The following NIPBL variants were observed in gnomAD, a reference collection of about 807,000 sequenced individuals.
NIPBL encodes nipped-B-like protein.
NIPBL carries 19 observed loss-of-function variants against 321.8 expected under a neutral mutation model. The ratio of observed to expected loss-of-function variants is 0.06; its 90% CI spans 0.04 to 0.09. The LOEUF (loss-of-function observed/expected upper bound fraction) is 0.09, where lower values mean the gene tolerates loss of function less well. NIPBL is among the 10% of genes least tolerant of loss of function. The pLI, the probability that NIPBL is intolerant of heterozygous loss-of-function variation, is 1.00. For synonymous variants in NIPBL, 1,106 were observed against 1,114.1 expected (o/e 0.99, Z 0.14); for missense variants, 2,210 against 3,327.0 (o/e 0.66, Z 8.26).
chr5:37,043,093 A>G (rs764597186), intron 34 of NIPBL, among the ~76,000 whole-genome samples: 5 of 152,014 alleles, frequency 3.3e-5, no homozygotes, highest in Non-Finnish European at 7.4e-5. Context: ...ACACATTTAA[A>G]TTTAAAATAA....
intron 1 of NIPBL, among the ~76,000 whole-genome samples, chr5:36,900,284 G>A (rs1018193772): frequency 1.3e-5 from 2 of 152,112 alleles, no homozygotes; most frequent in African/African-American, 4.8e-5. Context: ...GGTATTATAA[G>A]TATTCTATTA....
At chr5:36,972,430 CT>C (rs1331238569) in intron 8 of NIPBL, among the ~76,000 whole-genome samples, 1 of 152,050 alleles carries the variant, frequency 6.6e-6, no homozygotes, top group African/African-American at 2.4e-5. Flanking sequence ...TTCATTGATA[CT>C]TTTTTTCTTC....
intron 1 of NIPBL, among the ~76,000 whole-genome samples, chr5:36,943,032 T>A (rs184895536): frequency 3.3e-5 from 5 of 152,260 alleles, no homozygotes; most frequent in Admixed American, 1.3e-4. Context: ...ACTATATAGT[T>A]GTTATATTGT....
chr5:36,888,098 T>G (rs1033408215), intron 1 of NIPBL, among the ~76,000 whole-genome samples: 2 of 152,180 alleles, frequency 1.3e-5, no homozygotes, highest in Non-Finnish European at 2.9e-5. Context: ...TGAGAGGTCC[T>G]GAACATACAG....
chr5:36,961,956 G>C (rs1447338297), intron 5 of NIPBL, among the ~76,000 whole-genome samples, 167 bp from the exon 6 acceptor site: 1 of 152,116 alleles, frequency 6.6e-6, no homozygotes, highest in Non-Finnish European at 1.5e-5. Flanking sequence ...ATTATGAATT[G>C]TGAACAATTT....
chr5:37,007,302 C>T (rs774819814), intron 17 of NIPBL, 21 bp from the exon 18 acceptor site: 62 of 1,604,404 alleles, frequency 3.9e-5, no homozygotes, highest in Non-Finnish European at 5.2e-5. Context: ...TTTTCCTTAT[C>T]TTGAATTTGT....
rs1054000890 is a variant in NIPBL, at chr5:36,905,959, T to C, written c.-80+28781T>C. Reference sequence around the variant, plus strand: ...TGGGGTTTCACCGTGTTAGCCAGGATGGTCTCGATCTCCTGACCTCGTGAT... The same window carrying C: ...TGGGGTTTCACCGTGTTAGCCAGGACGGTCTCGATCTCCTGACCTCGTGAT... On this transcript the variant is annotated intron_variant, in intron 1 of 46. Coordinates refer to ENST00000282516, the MANE Select transcript of NIPBL (RefSeq NM_133433.4). 2.6e-5 allele frequency among the ~76,000 whole-genome samples: 4 copies of C among 152,132 alleles called. No individual in the cohort carries two copies. The South Asian group carries it at 6.2e-4, about 24-fold the overall frequency.
chr5:36,962,858 A>T (rs958369707), intron 6 of NIPBL, among the ~76,000 whole-genome samples: 1 of 152,176 alleles, frequency 6.6e-6, no homozygotes, highest in Non-Finnish European at 1.5e-5. Context: ...GCATAGGGCT[A>T]TATGCAAGTA....
intron 1 of NIPBL, among the ~76,000 whole-genome samples, chr5:36,879,320 T>C (rs72734612): frequency 0.017 from 2,657 of 152,312 alleles, 32 homozygotes; most frequent in Middle Eastern, 0.044. Flanking sequence ...GGAATTGTTA[T>C]AGTGAATTAG....
chr5:37,025,219 C>T (rs1750121813), intron 30 of NIPBL, among the ~76,000 whole-genome samples: 1 of 152,196 alleles, frequency 6.6e-6, no homozygotes, highest in African/African-American at 2.4e-5. Context: ...TGCCACTGCA[C>T]TCCTGCCTGG....
At chr5:36,971,888 G>C (rs1742883409) in intron 7 of NIPBL, 57 bp from the exon 8 acceptor site, 1 of 1,561,354 alleles carries the variant, frequency 6.4e-7, no homozygotes, top group Admixed American at 1.7e-5. Flanking sequence ...TCTCTTTTAA[G>C]ATTTCTATAA....
intron 1 of NIPBL, among the ~76,000 whole-genome samples, chr5:36,932,703 A>G (rs959748193): frequency 1.4e-5 from 2 of 144,890 alleles, no homozygotes; most frequent in African/African-American, 5.1e-5. Context: ...GGGTGAATTT[A>G]CTTATGCCAT....
At chr5:36,878,380 T>A (rs1439811079) in intron 1 of NIPBL, among the ~76,000 whole-genome samples, 2 of 152,204 alleles carry the variant, frequency 1.3e-5, no homozygotes, top group African/African-American at 4.8e-5. Context: ...AAGTTAAGTG[T>A]TTCGAGCTTG....
chr5:36,885,466 C>T (rs1260318987), intron 1 of NIPBL: 1 of 483,588 alleles, frequency 2.1e-6, no homozygotes, highest in South Asian at 1.6e-5. Flanking sequence ...AAAGCCTGAA[C>T]AACCACCTGG....
At chr5:36,907,804 CTAAA>C (rs1283628764) in intron 1 of NIPBL, among the ~76,000 whole-genome samples, 1 of 152,068 alleles carries the variant, frequency 6.6e-6, no homozygotes, top group Non-Finnish European at 1.5e-5. Flanking sequence ...AATAACTAAA[CTAAA>C]TAAATACTTT....
intron 34 of NIPBL, among the ~76,000 whole-genome samples, chr5:37,039,478 A>G (rs1752087433): frequency 6.6e-6 from 1 of 152,058 alleles, no homozygotes; most frequent in African/African-American, 2.4e-5. Context: ...TAAAGTATAT[A>G]TGACAGCATA....
chr5:36,912,501 A>ATTTT (rs773223714), intron 1 of NIPBL, among the ~76,000 whole-genome samples: 1 of 136,878 alleles, frequency 7.3e-6, no homozygotes, highest in African/African-American at 2.6e-5. Flanking sequence ...TGTATTACTG[A>ATTTT]TTTTTTTTTT....
chr5:37,057,231 T>G lies in NIPBL; in HGVS notation c.7309T>G (p.Cys2437Gly), dbSNP rs1561222500. ...MLLYIADNLA[C>G]FPYQTQEEPL... Reference sequence around the variant, plus strand: ...CTTGTATATAGCAGACAATCTAGCCTGTTTTCCATACCAGACACAGGAAGA... The same window carrying G: ...CTTGTATATAGCAGACAATCTAGCCGGTTTTCCATACCAGACACAGGAAGA... The change falls in exon 43 of 47, where the codon TGT (cysteine) becomes GGT (glycine). Residue 2437 changes from cysteine to glycine, a missense_variant. Coordinates refer to ENST00000282516, the MANE Select transcript of NIPBL (RefSeq NM_133433.4). 2 of 1,613,976 alleles carry G rather than the reference T, an allele frequency of 1.2e-6. No homozygotes were observed. The highest frequency in any genetic ancestry group is 8.5e-7 in the Non-Finnish European group (1 of 1,179,932).
intron 1 of NIPBL, chr5:36,885,381 G>A (rs1464292161): frequency 2.2e-6 from 1 of 453,754 alleles, no homozygotes; most frequent in Non-Finnish European, 4.3e-6. Flanking sequence ...GGCGGCTTGG[G>A]GTCCAGGGGC....
Sources: allele counts gnomAD v4.1 joint callset (sites outside exome capture counted in the v4.1 genomes callset), GRCh38; gene constraint gnomAD v4.1.1; transcripts MANE v1.5; gene names NCBI Gene and HGNC (gene_info 2026-07-23, HGNC 2026-07-21).